NKD1: variants seen among roughly 807,000 people sequenced by gnomAD.
NKD1 encodes the protein NKD inhibitor of Wnt signaling pathway 1, also known as protein naked cuticle homolog 1.
In NKD1, 21 loss-of-function variants were observed where a neutral mutation model predicts 56.0. That is an observed-to-expected ratio of 0.38 (90% CI 0.27 to 0.54). The LOEUF is 0.54. Among genes scored for constraint, NKD1 ranks in the 20% least tolerant of loss-of-function variants. The probability of loss-of-function intolerance (pLI) is 0.82; values close to 1 mark genes in which losing one functional copy is unlikely to be tolerated. For synonymous variants in NKD1, 263 were observed against 265.7 expected, an observed-to-expected ratio of 0.99 and a Z score of 0.10; for missense variants, 578 against 642.7, an observed-to-expected ratio of 0.90 and a Z score of 1.09.
rs915518040 is a variant in NKD1 at position 50,638,899 on chromosome 16, A to G, written c.*5118A>G. On this transcript the variant is annotated 3_prime_UTR_variant, in exon 10 of 10. Coordinates refer to ENST00000268459, the MANE Select transcript of NKD1 (RefSeq NM_033119.5). ...ATTCCTCTTCCCTCCACTGTCTCCC[A>G]CAAAGTAGAAGAATCCTGGTACATT... 3.3e-5 allele frequency: 5 copies of G among 152,218 alleles called. No individual in the cohort carries two copies. The highest frequency in any genetic ancestry group is 6.5e-5 in the Admixed American group (1 of 15,276). The allele number at this position is 152,218 out of a possible 1,614,324, so 9.4% of individuals were successfully genotyped here.
chr16:50,630,586 C>T (rs1208149222), intron 7 of NKD1, among the ~76,000 whole-genome samples: 4 of 150,720 alleles, frequency 2.7e-5, no homozygotes, highest in Admixed American at 6.6e-5. Context: ...GGCAGCATGG[C>T]GTCTGCAAGC....
chr16:50,548,590 C>A lies in NKD1; in HGVS notation c.25+12C>A. On this transcript the variant is annotated intron_variant, in intron 1 of 9. Transcript: ENST00000268459. ...TCACTCCAAGCCGGGTCAGTGCCCC[C>A]GCCCGCGCGCTCGCCCCGGGCCCCG... 3 of 1,462,480 alleles carry A rather than the reference C, an allele frequency of 2.1e-6. No individual in the cohort carries two copies. The highest frequency in any genetic ancestry group is 3.0e-5 in the East Asian group (1 of 33,358). 90.6% of individuals were successfully genotyped at this position (1,462,480 alleles called of 1,614,324 possible).
In NKD1 at chr16:50,579,334, A is replaced by T. The variant is rs113651640; in HGVS notation, c.193-28960A>T. On this transcript the variant is annotated intron_variant, in intron 3 of 9. Coordinates refer to ENST00000268459, the MANE Select transcript of NKD1 (RefSeq NM_033119.5). ...ACCCGCTACACACGCACTCTAACCC[A>T]CCACGCATGCACTGTCTTACTCCTG... Among the ~76,000 whole-genome samples, 10 of 48,996 alleles carry T rather than the reference A, an allele frequency of 2.0e-4. No homozygotes were observed. In the East Asian group the frequency reaches 2.1e-3, roughly 10 times the overall value. The allele number at this position is 48,996 out of a possible 152,430, so 32.1% of individuals were successfully genotyped here.
intron 4 of NKD1, among the ~76,000 whole-genome samples, chr16:50,619,088 T>C (rs1048149364): frequency 6.6e-6 from 1 of 152,020 alleles, no homozygotes; most frequent in Non-Finnish European, 1.5e-5. Flanking sequence ...GAACTTGAAG[T>C]TTGGTTTCGA....
At chr16:50,618,681 C>T (rs1227481750) in intron 4 of NKD1, among the ~76,000 whole-genome samples, 5 of 152,190 alleles carry the variant, frequency 3.3e-5, no homozygotes, top group African/African-American at 1.2e-4. Context: ...TTGTTCCTGA[C>T]CCCCACAGCC....
intron 3 of NKD1, chr16:50,606,028 C>T (rs1252112885): frequency 6.6e-6 from 1 of 152,008 alleles, no homozygotes; most frequent in African/African-American, 2.4e-5. Flanking sequence ...GCCACAGACC[C>T]TGGGCCGTGT....
chr16:50,569,923 T>A lies in NKD1; in HGVS notation c.192+20368T>A, dbSNP rs1038097512. ...TTTTGGGGAAGATGCAGAACATTGC[T>A]TTAGCAGAGTGGTTGGAGCCGGGCG... On this transcript the variant is annotated intron_variant, in intron 3 of 9. Transcript: ENST00000268459. Among the ~76,000 whole-genome samples, 33 of 152,182 alleles carry A rather than the reference T, an allele frequency of 2.2e-4. 1 individual carries two copies. Among genetic ancestry groups the A allele is most frequent in the African/African-American group, 7.2e-4 (30 of 41,438 alleles).
chr16:50,574,322 T>G (rs1235919076), intron 3 of NKD1: 5 of 985,340 alleles, frequency 5.1e-6, no homozygotes, highest in East Asian at 2.3e-4. Context: ...GAGTCAGAAC[T>G]GGGGGCTGAG....
chr16:50,567,192 A>G (rs1419587928), intron 3 of NKD1, among the ~76,000 whole-genome samples: 3 of 152,050 alleles, frequency 2.0e-5, no homozygotes, highest in Non-Finnish European at 4.4e-5. Flanking sequence ...CACCGTTTGG[A>G]GTTGTTTCAA....
rs137962402 is a variant in NKD1 at position 50,588,851 on chromosome 16, G to A, written c.193-19443G>A. On this transcript the variant is annotated intron_variant, in intron 3 of 9. Transcript: ENST00000268459. Reference sequence around the variant, plus strand: ...ACTCCTGACGTCAAGGGATCCACCTGCCTCAGCCTCCCAAAGTGCTGGGAT... The same window carrying A: ...ACTCCTGACGTCAAGGGATCCACCTACCTCAGCCTCCCAAAGTGCTGGGAT... Among the ~76,000 whole-genome samples the A allele has an allele frequency of 4.6e-5, 7 of 152,122 alleles. No homozygotes were observed. In the East Asian group the frequency reaches 1.4e-3, roughly 29 times the overall value.
chr16:50,566,475 C>T (rs149295356), intron 3 of NKD1, among the ~76,000 whole-genome samples: 1,684 of 152,366 alleles, frequency 0.011, 31 homozygotes, highest in African/African-American at 0.038. Flanking sequence ...CGGAACCCAT[C>T]CCTGTGCCTC....
intron 5 of NKD1, 38 bp downstream of exon 5, chr16:50,621,746 G>C (rs1218162422): frequency 1.3e-6 from 2 of 1,507,996 alleles, no homozygotes; most frequent in South Asian, 1.2e-5. Context: ...GAGGAGATGA[G>C]ATGGGTTTTC....
At chr16:50,630,113 A>G in intron 6 of NKD1, 73 bp from the exon 7 acceptor site, 2 of 1,440,876 alleles carry the variant, frequency 1.4e-6, no homozygotes, top group Non-Finnish European at 1.9e-6. Context: ...AGCGTCCACC[A>G]GGCCCTCTGG....
chr16:50,560,536 T>A (rs1358315242), intron 3 of NKD1, among the ~76,000 whole-genome samples: 2 of 152,114 alleles, frequency 1.3e-5, no homozygotes, highest in South Asian at 2.1e-4. Context: ...TTGCCCAAGG[T>A]CACTTAACTT....
At chr16:50,588,279 A>G (rs1961272539) in intron 3 of NKD1, among the ~76,000 whole-genome samples, 1 of 152,268 alleles carries the variant, frequency 6.6e-6, no homozygotes, top group African/African-American at 2.4e-5. Flanking sequence ...GTTAACTTAA[A>G]TAACTGGGAC....
chr16:50,550,706 G>A (rs1960364329), intron 3 of NKD1, among the ~76,000 whole-genome samples: 1 of 152,102 alleles, frequency 6.6e-6, no homozygotes, highest in Non-Finnish European at 1.5e-5. Context: ...GGGCACTGCA[G>A]TTGGGGCCCT....
chr16:50,596,931 C>G (rs1020489958), intron 3 of NKD1, among the ~76,000 whole-genome samples: 4 of 152,086 alleles, frequency 2.6e-5, no homozygotes, highest in African/African-American at 9.7e-5. Context: ...GGGGAATGAG[C>G]TGAACCTGTT....
At chr16:50,597,630 GC>G (rs1310108559) in intron 3 of NKD1, among the ~76,000 whole-genome samples, 2 of 152,170 alleles carry the variant, frequency 1.3e-5, no homozygotes, top group African/African-American at 2.4e-5. Context: ...CAGCACAGGA[GC>G]GGACTAGGCT....
At chr16:50,603,199 T>C (rs1961635110) in intron 3 of NKD1, among the ~76,000 whole-genome samples, 1 of 152,272 alleles carries the variant, frequency 6.6e-6, no homozygotes. Context: ...TTAAGTAATG[T>C]GTCTGCTGCC....
Sources: allele counts gnomAD v4.1 joint callset (sites outside exome capture counted in the v4.1 genomes callset), GRCh38; gene constraint gnomAD v4.1.1; transcripts MANE v1.5; gene names NCBI Gene and HGNC (gene_info 2026-07-23, HGNC 2026-07-21).